FUT9: variants seen among roughly 807,000 people sequenced by gnomAD.
FUT9 encodes 4-galactosyl-N-acetylglucosaminide 3-alpha-L-fucosyltransferase 9.
A neutral mutation model predicts 29.7 loss-of-function variants in FUT9; 15 were observed. The observed-to-expected ratio is 0.51, with a 90% CI of 0.34 to 0.78. The LOEUF is 0.78. FUT9 is among the 30% of genes least tolerant of loss of function. The pLI, the probability that FUT9 is intolerant of heterozygous loss-of-function variation, is 0.01. For synonymous variants in FUT9, 169 were observed against 153.7 expected, an observed-to-expected ratio of 1.10 and a Z score of -0.74; for missense variants, 319 against 425.4, an observed-to-expected ratio of 0.75 and a Z score of 2.20.
chr6:96,134,944 G>T (rs1207501461), intron 2 of FUT9, among the ~76,000 whole-genome samples: 1 of 151,666 alleles, frequency 6.6e-6, no homozygotes, highest in Non-Finnish European at 1.5e-5. Flanking sequence ...ATTTGTCCTC[G>T]GTCCCCCATG....
intron 1 of FUT9, among the ~76,000 whole-genome samples, chr6:96,091,990 T>C (rs1217704653): frequency 6.6e-6 from 1 of 152,124 alleles, no homozygotes; most frequent in African/African-American, 2.4e-5. Flanking sequence ...AGTATACTAC[T>C]ATCAACATAG....
At chr6:96,139,337 C>T (rs1772417434) in intron 2 of FUT9, among the ~76,000 whole-genome samples, 1 of 152,210 alleles carries the variant, frequency 6.6e-6, no homozygotes, top group Admixed American at 6.5e-5. Flanking sequence ...TTGGGAAGCT[C>T]TGCCCCTGTG....
chr6:96,086,100 T>C (rs1383704870), intron 1 of FUT9, among the ~76,000 whole-genome samples: 3 of 152,190 alleles, frequency 2.0e-5, no homozygotes, highest in African/African-American at 7.2e-5. Context: ...AGAGCCTGGG[T>C]AAACCAAGGC....
chr6:96,191,798 C>T (rs1424345683), intron 2 of FUT9, among the ~76,000 whole-genome samples: 2 of 151,900 alleles, frequency 1.3e-5, no homozygotes, highest in African/African-American at 2.4e-5. Context: ...ATGGAAAAAT[C>T]CTCAATAAAA....
At chr6:96,026,889 G>A (rs1416464847) in intron 1 of FUT9, among the ~76,000 whole-genome samples, 5 of 151,404 alleles carry the variant, frequency 3.3e-5, no homozygotes, top group East Asian at 1.9e-4. Flanking sequence ...ATTACTCTTC[G>A]TACTCCTAGT....
chr6:96,030,382 A>C, intron 1 of FUT9, among the ~76,000 whole-genome samples: 1 of 151,718 alleles, frequency 6.6e-6, no homozygotes, highest in African/African-American at 2.4e-5. Flanking sequence ...GTAATTACTA[A>C]GAAAATTAAA....
At chr6:96,034,414 GA>G (rs907688238) in intron 1 of FUT9, among the ~76,000 whole-genome samples, 184 of 148,322 alleles carry the variant, frequency 1.2e-3, no homozygotes, top group Admixed American at 1.4e-3. Context: ...AACTGGCGGA[GA>G]AAAAAAAAGC....
At chr6:96,035,795 CTAATA>C (rs201790139) in intron 1 of FUT9, among the ~76,000 whole-genome samples, 27 of 110,822 alleles carry the variant, frequency 2.4e-4, no homozygotes, top group African/African-American at 6.7e-4. Flanking sequence ...ATTTATTATA[CTAATA>C]TAATATAATA....
intron 2 of FUT9, among the ~76,000 whole-genome samples, chr6:96,132,042 G>A (rs1772254794): frequency 6.6e-6 from 1 of 151,934 alleles, no homozygotes; most frequent in Admixed American, 6.6e-5. Flanking sequence ...AGATGCAAAT[G>A]GTGCCATTTA....
intron 2 of FUT9, among the ~76,000 whole-genome samples, chr6:96,164,396 C>CTTG (rs1226005796): frequency 1.3e-5 from 2 of 151,820 alleles, no homozygotes; most frequent in African/African-American, 4.8e-5. Context: ...GTAGCTGGGA[C>CTTG]TACAGGCGCC....
At chr6:96,105,209 T>C (rs1435682968) in intron 1 of FUT9, among the ~76,000 whole-genome samples, 2 of 152,246 alleles carry the variant, frequency 1.3e-5, no homozygotes, top group African/African-American at 4.8e-5. Flanking sequence ...TGCTTTGTGG[T>C]AAATTGCCTT....
intron 1 of FUT9, among the ~76,000 whole-genome samples, chr6:96,047,925 GAAGTCC>G (rs1770592505): frequency 6.6e-6 from 1 of 152,162 alleles, no homozygotes; most frequent in Admixed American, 6.6e-5. Context: ...ATCTAAGTCA[GAAGTCC>G]AACTCAGGTC....
chr6:96,089,446 C>T (rs1771374692), intron 1 of FUT9, among the ~76,000 whole-genome samples: 1 of 152,180 alleles, frequency 6.6e-6, no homozygotes, highest in Non-Finnish European at 1.5e-5. Flanking sequence ...TTGTTTGCAT[C>T]TCCTTTCTCA....
Position 96,068,215 on chromosome 6 carries a change from T to A in FUT9, c.-97-45824T>A, listed in dbSNP as rs992878048. ...GAAATCAACCATGTACAGGTCATATTTGAGGCCATGAAATAGCTTGGCTTG... is the reference window on the plus strand; with the variant it reads ...GAAATCAACCATGTACAGGTCATATATGAGGCCATGAAATAGCTTGGCTTG... On this transcript the variant is annotated intron_variant, in intron 1 of 2. Coordinates refer to ENST00000302103, the MANE Select transcript of FUT9 (RefSeq NM_006581.4). Among the ~76,000 whole-genome samples, 7 of 152,066 alleles carry A rather than the reference T, an allele frequency of 4.6e-5. No individual in the cohort carries two copies. In the East Asian group the frequency reaches 1.3e-3, roughly 29 times the overall value.
intron 1 of FUT9, among the ~76,000 whole-genome samples, chr6:96,103,646 C>T (rs2127957755): frequency 6.6e-6 from 1 of 152,262 alleles, no homozygotes; most frequent in South Asian, 2.1e-4. Flanking sequence ...ATCTCTGTTT[C>T]TTCTTTAATA....
rs191951067 is a variant in FUT9 at position 96,040,403 on chromosome 6, C to G, written c.-98+24191C>G. The stretch of plus-strand genomic sequence containing the variant: ...AGTGAAAAGGCATAAGAGTGCAAAA[C>G]CATGGTGCATTCCTAGAACTAGCAA... On this transcript the variant is annotated intron_variant, in intron 1 of 2. Coordinates refer to ENST00000302103, the MANE Select transcript of FUT9 (RefSeq NM_006581.4). Among the ~76,000 whole-genome samples, 121 of 152,192 alleles carry G rather than the reference C, an allele frequency of 8.0e-4. 1 individual carries two copies. The highest frequency in any genetic ancestry group is 2.8e-3 in the African/African-American group (118 of 41,514).
At chr6:96,165,641 C>T (rs1324657284) in intron 2 of FUT9, among the ~76,000 whole-genome samples, 2 of 151,908 alleles carry the variant, frequency 1.3e-5, no homozygotes, top group East Asian at 3.9e-4. Flanking sequence ...TTGAGTCTCG[C>T]TCTGTCATCT....
At chr6:96,180,263 C>T (rs1773280678) in intron 2 of FUT9, among the ~76,000 whole-genome samples, 2 of 152,036 alleles carry the variant, frequency 1.3e-5, no homozygotes, top group Non-Finnish European at 1.5e-5. Context: ...TTTACATGCA[C>T]AAATCTAGCA....
At chr6:96,139,734 C>T (rs1772426739) in intron 2 of FUT9, among the ~76,000 whole-genome samples, 2 of 152,138 alleles carry the variant, frequency 1.3e-5, no homozygotes, top group Admixed American at 1.3e-4. Flanking sequence ...AGCTTGCACC[C>T]TCTGAAGCAA....
Sources: gnomAD v4.1 joint callset for allele counts (sites outside exome capture counted in the v4.1 genomes callset) on GRCh38, gnomAD v4.1.1 for gene constraint, MANE v1.5 for transcripts, NCBI Gene and HGNC (gene_info 2026-07-23, HGNC 2026-07-21) for gene names.